Variants in ARHGEF11 observed in about 807,000 individuals in gnomAD.
ARHGEF11 encodes Rho guanine exchange factor (GEF) 11.
Under a neutral mutation model 193.7 loss-of-function variants are expected in ARHGEF11, and 55 were observed. The ratio of observed to expected loss-of-function variants is 0.28; its 90% confidence interval spans 0.23 to 0.36. The LOEUF is 0.36. ARHGEF11 is among the 10% of genes least tolerant of loss of function. The pLI is 1.00. For synonymous variants in ARHGEF11, 693 were observed against 768.0 expected, an observed-to-expected ratio of 0.90 and a Z score of 1.62; for missense variants, 1,723 against 2,005.6, an observed-to-expected ratio of 0.86 and a Z score of 2.69.
In ARHGEF11 at chr1:156,957,801, T is replaced by C; in HGVS notation, c.1517A>G (p.Glu506Gly). The change falls in exon 18 of 41, where the codon GAA becomes GGA. Residue 506 changes from glutamate to glycine, a missense_variant. Glu to Gly is a moderately conservative substitution (Grantham distance 98, BLOSUM62 -2). Coordinates refer to ENST00000368194, the MANE Select transcript of ARHGEF11 (RefSeq NM_198236.3). ...TCATAGACTTGCTTACCTCCTGTCTTCCTCATACTTGGACCTGGAATGGAA... is the reference window on the plus strand; with the variant it reads ...TCATAGACTTGCTTACCTCCTGTCTCCCTCATACTTGGACCTGGAATGGAA... ...ALGDILSKYEEDRSAPMDFAL... is the reference protein window; with the variant it reads ...ALGDILSKYEGDRSAPMDFAL... 1.2e-6 allele frequency: 2 copies of C among 1,614,118 alleles called. No homozygotes were observed. The highest frequency in any genetic ancestry group is 8.5e-7 in the Non-Finnish European group (1 of 1,179,988).
At chr1:156,999,284 C>T (rs1401489566) in intron 1 of ARHGEF11, among the ~76,000 whole-genome samples, 1 of 152,126 alleles carries the variant, frequency 6.6e-6, no homozygotes, top group East Asian at 1.9e-4. Context: ...ATAAGTCGCC[C>T]CAGGCCATAC....
intron 3 of ARHGEF11, among the ~76,000 whole-genome samples, chr1:156,983,210 CTTTT>C (rs371721286): frequency 6.7e-6 from 1 of 148,448 alleles, no homozygotes; most frequent in Non-Finnish European, 1.5e-5. Flanking sequence ...CACTGCCTTT[CTTTT>C]TTTTTTGTTT....
chr1:157,023,494 G>A (rs902513468), intron 1 of ARHGEF11, among the ~76,000 whole-genome samples: 8 of 152,182 alleles, frequency 5.3e-5, no homozygotes, highest in African/African-American at 1.2e-4. Context: ...GGCCAGGCAC[G>A]GTGGCTCACG....
chr1:157,044,153 C>G, intron 1 of ARHGEF11, 146 bp downstream of exon 1: 1 of 743,536 alleles, frequency 1.3e-6, no homozygotes, highest in Non-Finnish European at 2.4e-6. Context: ...CATAGGCTGA[C>G]AGTCCCCAGA....
rs1332020281 is a variant in ARHGEF11, at chr1:156,935,811, G to A, written c.*189C>T. The A allele has an allele frequency of 3.2e-6, 2 of 634,216 alleles. No individual in the cohort carries two copies. Among genetic ancestry groups the A allele is most frequent in the Non-Finnish European group, 5.4e-6 (2 of 369,764 alleles). 39.3% of individuals were successfully genotyped at this position (634,216 alleles called of 1,614,324 possible). ...TGGGCTAAGGGAGGGAAAAGACACT[G>A]AAACCTGACTCCGACTTGAGCAGAC... is the stretch of plus-strand genomic sequence containing the variant. On this transcript the variant is annotated 3_prime_UTR_variant, in exon 41 of 41. Transcript: ENST00000368194.
chr1:156,998,195 C>A (rs938314010), intron 1 of ARHGEF11, among the ~76,000 whole-genome samples: 1 of 152,182 alleles, frequency 6.6e-6, no homozygotes, highest in Non-Finnish European at 1.5e-5. Context: ...GCTCTGAGGG[C>A]ACCATCTTCA....
In ARHGEF11 at chr1:156,989,888, T is replaced by C. The variant is rs147068988; in HGVS notation, c.33-3715A>G. On this transcript the variant is annotated intron_variant, in intron 1 of 40. Transcript: ENST00000368194. ...CTATGTTTATACATTTTTTCTCACT[T>C]GAAAATTGTAGACATCATGACACTT... is the stretch of plus-strand genomic sequence containing the variant. 2.0e-5 allele frequency among the ~76,000 whole-genome samples: 3 copies of C among 152,354 alleles called. No individual in the cohort carries two copies. The East Asian group carries it at 5.8e-4, about 29-fold the overall frequency.
In ARHGEF11 at chr1:156,941,381, G is replaced by C. The variant is rs1251875257; in HGVS notation, c.3505C>G (p.Leu1169Val). 1 of 1,613,920 alleles carries C rather than the reference G, an allele frequency of 6.2e-7. No individual in the cohort carries two copies. The highest frequency in any genetic ancestry group is 1.1e-5 in the South Asian group (1 of 91,072). The change falls in exon 35 of 41, where the codon CTG (leucine) becomes GTG (valine). Residue 1169 changes from leucine to valine, a missense_variant. Coordinates refer to ENST00000368194, the MANE Select transcript of ARHGEF11 (RefSeq NM_198236.3). ...AGTTCAGGGCCCTTACCTCCAGGCA[G>C]CTCCTCAGGTTCAGGTTCACCATGG... is the stretch of plus-strand genomic sequence containing the variant. Reference protein sequence around the residue: ...VFHGEPEPEELPGGTGSQQRV... With the variant: ...VFHGEPEPEEVPGGTGSQQRV...
In ARHGEF11 at chr1:157,029,550, G is replaced by T. The variant is rs910964793; in HGVS notation, c.32+14749C>A. On this transcript the variant is annotated intron_variant, in intron 1 of 40. Coordinates refer to ENST00000368194, the MANE Select transcript of ARHGEF11 (RefSeq NM_198236.3). ...GCCTCCCAAAGCACTGGGATTACAGGCGTGAGCCACTGTGCCCGGCTGTGC... is the reference window on the plus strand; with the variant it reads ...GCCTCCCAAAGCACTGGGATTACAGTCGTGAGCCACTGTGCCCGGCTGTGC... 7.4e-4 allele frequency among the ~76,000 whole-genome samples: 112 copies of T among 152,138 alleles called. 5 individuals carry two copies. Among genetic ancestry groups the T allele is most frequent in the Non-Finnish European group, 1.0e-4 (7 of 68,036 alleles).
chr1:157,027,310 A>G (rs1374137855), intron 1 of ARHGEF11, among the ~76,000 whole-genome samples: 2 of 152,170 alleles, frequency 1.3e-5, no homozygotes, highest in African/African-American at 4.8e-5. Flanking sequence ...CAGGAAATCC[A>G]GGCTGCAGTG....
intron 1 of ARHGEF11, among the ~76,000 whole-genome samples, chr1:157,011,975 C>G (rs1257568208): frequency 6.6e-6 from 1 of 152,128 alleles, no homozygotes; most frequent in Admixed American, 6.5e-5. Context: ...AATTCCACTC[C>G]TAGGTATATA....
At chr1:157,032,897 T>TG (rs567897736) in intron 1 of ARHGEF11, among the ~76,000 whole-genome samples, 3 of 152,144 alleles carry the variant, frequency 2.0e-5, no homozygotes, top group Non-Finnish European at 4.4e-5. Context: ...CTCACTGCCC[T>TG]GGTTGCTTCT....
chr1:156,961,948 A>G (rs1413682687), intron 13 of ARHGEF11, among the ~76,000 whole-genome samples, 173 bp from the exon 14 acceptor site: 1 of 152,202 alleles, frequency 6.6e-6, no homozygotes, highest in East Asian at 1.9e-4. Flanking sequence ...ATATTTCCCC[A>G]AAGGCACAGA....
intron 21 of ARHGEF11, among the ~76,000 whole-genome samples, chr1:156,952,295 A>C (rs1376366769): frequency 6.6e-6 from 1 of 152,082 alleles, no homozygotes; most frequent in African/African-American, 2.4e-5. Context: ...CCCCCTTTCA[A>C]AGCTAAGACA....
intron 17 of ARHGEF11, 54 bp downstream of exon 17, chr1:156,958,688 T>C (rs1021716283): frequency 1.2e-6 from 2 of 1,608,952 alleles, no homozygotes; most frequent in Non-Finnish European, 1.7e-6. Flanking sequence ...ACCCACAAAA[T>C]ATGTCAACCT....
intron 1 of ARHGEF11, among the ~76,000 whole-genome samples, chr1:156,990,376 A>AT (rs1382877031): frequency 1.3e-5 from 2 of 152,110 alleles, no homozygotes; most frequent in African/African-American, 2.4e-5. Flanking sequence ...TATTCCTGAG[A>AT]TTTTTTCAAT....
rs778249084 is a variant in ARHGEF11, at chr1:156,946,750, G to A, written c.2606C>T (p.Ala869Val). 2 of 1,614,244 alleles carry A rather than the reference G, an allele frequency of 1.2e-6. No individual in the cohort carries two copies. The highest frequency in any genetic ancestry group is 1.1e-5 in the South Asian group (1 of 91,080). The change falls in exon 28 of 41, where the codon GCT (alanine) becomes GTT (valine). Residue 869 changes from alanine to valine, a missense_variant. Transcript: ENST00000368194. Reference sequence around the variant, plus strand: ...TGACTGATAGGAACAGAACTGTGCAGCCACTTGCTGGAGTTCCTCTCGGGC... The same window carrying A: ...TGACTGATAGGAACAGAACTGTGCAACCACTTGCTGGAGTTCCTCTCGGGC... ...GPAREELQQV[A>V]AQFCSYQSIA...
intron 33 of ARHGEF11, among the ~76,000 whole-genome samples, chr1:156,942,362 G>A (rs1040728583): frequency 6.6e-6 from 1 of 152,220 alleles, no homozygotes; most frequent in Non-Finnish European, 1.5e-5. Context: ...AAAGAACATG[G>A]GCTGGGTGGG....
chr1:156,943,733 T>C (rs1435878994), intron 32 of ARHGEF11, among the ~76,000 whole-genome samples: 1 of 152,224 alleles, frequency 6.6e-6, no homozygotes, highest in Non-Finnish European at 1.5e-5. Context: ...AGGTTGTCTG[T>C]CTTCCTCTTG....
Sources: allele counts gnomAD v4.1 joint callset (sites outside exome capture counted in the v4.1 genomes callset), GRCh38; gene constraint gnomAD v4.1.1; transcripts MANE v1.5; gene names NCBI Gene and HGNC (gene_info 2026-07-23, HGNC 2026-07-21).